GPR137B: variants seen among roughly 807,000 people sequenced by gnomAD.
The protein encoded by GPR137B is G protein-coupled receptor 137B.
A neutral mutation model predicts 42.5 loss-of-function variants in GPR137B; 42 were observed. The ratio of observed to expected loss-of-function variants is 0.99; its 90% confidence interval spans 0.77 to 1.28. GPR137B has a LOEUF of 1.28. Ranked by LOEUF, GPR137B falls within the 50% of genes most tolerant of loss-of-function variation. The pLI, the probability that GPR137B is intolerant of heterozygous loss-of-function variation, is 0.00. For synonymous variants in GPR137B, 218 were observed against 209.7 expected (o/e 1.04, Z -0.34); for missense variants, 487 against 493.9 (o/e 0.99, Z 0.13).
chr1:236,189,777 A>G (rs1284324537), intron 5 of GPR137B, among the ~76,000 whole-genome samples: 2 of 152,228 alleles, frequency 1.3e-5, no homozygotes, highest in Non-Finnish European at 2.9e-5. Context: ...GCTGAGAAGA[A>G]TGTATACTCT....
chr1:236,208,802 G>C lies in GPR137B; in HGVS notation c.*644G>C, dbSNP rs1263360323. ...ATCTCTTAAGTTTTGCCCAAAGACT[G>C]GTACTTCCTTTCAGTAGGGCGCTAA... On this transcript the variant is annotated 3_prime_UTR_variant, in exon 7 of 7. Transcript: ENST00000366592. The C allele has an allele frequency of 1.5e-5, 15 of 984,988 alleles. No individual in the cohort carries two copies. Among genetic ancestry groups the C allele is most frequent in the Non-Finnish European group, 1.7e-5 (14 of 829,664 alleles). The allele number at this position is 984,988 out of a possible 1,614,324, so 61.0% of individuals were successfully genotyped here.
At chr1:236,199,908 T>G (rs917647685) in intron 5 of GPR137B, among the ~76,000 whole-genome samples, 1 of 152,058 alleles carries the variant, frequency 6.6e-6, no homozygotes, top group African/African-American at 2.4e-5. Context: ...GGGTTTGGTT[T>G]GTTCTTGTTT....
intron 1 of GPR137B, 37 bp from the exon 2 acceptor site, chr1:236,168,669 T>G: frequency 6.4e-7 from 1 of 1,564,098 alleles, no homozygotes; most frequent in African/African-American, 1.3e-5. Flanking sequence ...TGTCAACATA[T>G]TGGACCCCAA....
In GPR137B at chr1:236,208,126, A is replaced by G. The variant is rs778628846; in HGVS notation, c.1168A>G (p.Thr390Ala). The G allele has an allele frequency of 1.9e-6, 3 of 1,613,674 alleles. No homozygotes were observed. Among genetic ancestry groups the G allele is most frequent in the South Asian group, 1.1e-5 (1 of 91,080 alleles). Residue 390 changes from threonine to alanine, a missense_variant, in exon 7 of 7, where the codon ACT (threonine) becomes GCT (alanine). Coordinates refer to ENST00000366592, the MANE Select transcript of GPR137B (RefSeq NM_003272.4). ...LAQAGTLQDS[T>A]LDPDKPSLG ...ACAAGCAGGAACTTTGCAAGACTCA[A>G]CTTTGGATCCTGACAAACCAAGCCT...
chr1:236,154,140 T>A (rs1487940914), intron 1 of GPR137B, among the ~76,000 whole-genome samples: 1 of 152,210 alleles, frequency 6.6e-6, no homozygotes, highest in Non-Finnish European at 1.5e-5. Context: ...CTGGCTAGTC[T>A]TGGGTTTTGT....
chr1:236,161,236 G>C (rs1032477737), intron 1 of GPR137B, among the ~76,000 whole-genome samples: 7 of 152,062 alleles, frequency 4.6e-5, no homozygotes, highest in Non-Finnish European at 7.4e-5. Context: ...CATTTCAGCT[G>C]TGCCAATGCT....
chr1:236,207,225 C>A (rs567697081), intron 6 of GPR137B: 1 of 985,046 alleles, frequency 1.0e-6, no homozygotes, highest in Admixed American at 6.1e-5. Flanking sequence ...AAAAGATTGT[C>A]GCTGAGAAAA....
chr1:236,148,183 G>T (rs1333281453), intron 1 of GPR137B, among the ~76,000 whole-genome samples: 1 of 152,244 alleles, frequency 6.6e-6, no homozygotes, highest in Non-Finnish European at 1.5e-5. Context: ...GCAGGCAGGG[G>T]TCTCTGCTCA....
Position 236,178,655 on chromosome 1 carries a change from A to C in GPR137B, c.687+19A>C. The C allele has an allele frequency of 7.0e-7, 1 of 1,423,886 alleles. No individual in the cohort carries two copies. Among genetic ancestry groups the C allele is most frequent in the Non-Finnish European group, 9.9e-7 (1 of 1,008,210 alleles). The allele number at this position is 1,423,886 out of a possible 1,614,324, so 88.2% of individuals were successfully genotyped here. On this transcript the variant is annotated intron_variant, in intron 3 of 6. Coordinates refer to ENST00000366592, the MANE Select transcript of GPR137B (RefSeq NM_003272.4). Reference sequence around the variant, plus strand: ...GTCCAAGGTAGGTGGAAATGTGGTCAAGATCCCTCCCATGAAACGTGTTCT... The same window carrying C: ...GTCCAAGGTAGGTGGAAATGTGGTCCAGATCCCTCCCATGAAACGTGTTCT...
At chr1:236,205,366 T>A in intron 6 of GPR137B, 116 bp downstream of exon 6, 5 of 788,598 alleles carry the variant, frequency 6.3e-6, no homozygotes, top group Non-Finnish European at 1.0e-5. Context: ...TTAGGTGGTA[T>A]AAGACTGGAT....
chr1:236,164,243 C>T (rs1022176234), intron 1 of GPR137B, among the ~76,000 whole-genome samples: 2 of 152,204 alleles, frequency 1.3e-5, no homozygotes, highest in African/African-American at 4.8e-5. Flanking sequence ...GTTGACCTGA[C>T]TTGAACACCA....
At chr1:236,189,308 G>T (rs558480959) in intron 5 of GPR137B, among the ~76,000 whole-genome samples, 1 of 151,832 alleles carries the variant, frequency 6.6e-6, no homozygotes, top group African/African-American at 2.4e-5. Flanking sequence ...AGGGTTTTTC[G>T]TGTCTCTATC....
intron 5 of GPR137B, among the ~76,000 whole-genome samples, chr1:236,195,686 T>A (rs1663312964): frequency 6.6e-6 from 1 of 152,202 alleles, no homozygotes; most frequent in African/African-American, 2.4e-5. Context: ...GCCAAACTGT[T>A]CTCCATAGTG....
In GPR137B at chr1:236,150,015, C is replaced by CTGTGTGTGTACCTG. The variant is rs1224809339; in HGVS notation, c.414+6989_414+7002dup. Among the ~76,000 whole-genome samples the CTGTGTGTGTACCTG allele has an allele frequency of 6.8e-6, 1 of 147,898 alleles. No homozygotes were observed. Among genetic ancestry groups the CTGTGTGTGTACCTG allele is most frequent in the Admixed American group, 6.7e-5 (1 of 14,900 alleles). On this transcript the variant is annotated intron_variant, in intron 1 of 6. Transcript: ENST00000366592. This position sits in a 1 kb window ranked among gnomAD's most constrained non-coding sequence, Gnocchi z 6.2. ...TGTGTATGTGTGCCTGTGTGTGTGCCTGTGTGTGTACCTGTGTGTGTGTGT... is the reference window on the plus strand; with the variant it reads ...TGTGTATGTGTGCCTGTGTGTGTGCCTGTGTGTGTACCTGTGTGTGTGTACCTGTGTGTGTGTGT...
chr1:236,150,190 T>A lies in GPR137B; in HGVS notation c.414+7154T>A, dbSNP rs1284081706. Among the ~76,000 whole-genome samples the A allele has an allele frequency of 6.6e-6, 1 of 150,460 alleles. No individual in the cohort carries two copies. The highest frequency in any genetic ancestry group is 1.5e-5 in the Non-Finnish European group (1 of 67,536). Reference sequence around the variant, plus strand: ...GTGTGCCCGTTTGTGTTTGTGTGTGTCTGTGTGCCTGTGTGTGTGTCTGTG... The same window carrying A: ...GTGTGCCCGTTTGTGTTTGTGTGTGACTGTGTGCCTGTGTGTGTGTCTGTG... On this transcript the variant is annotated intron_variant, in intron 1 of 6. Coordinates refer to ENST00000366592, the MANE Select transcript of GPR137B (RefSeq NM_003272.4). This position sits in a 1 kb window ranked among gnomAD's most constrained non-coding sequence, Gnocchi z 6.2.
chr1:236,142,730 C>A lies in GPR137B; in HGVS notation c.108C>A (p.Ala36=). The A allele has an allele frequency of 6.2e-7, 1 of 1,610,070 alleles. No individual in the cohort carries two copies. Among genetic ancestry groups the A allele is most frequent in the Non-Finnish European group, 8.5e-7 (1 of 1,179,478 alleles). Residue 36 remains alanine (A), a synonymous_variant, in exon 1 of 7, where the codon GCC becomes GCA. Coordinates refer to ENST00000366592, the MANE Select transcript of GPR137B (RefSeq NM_003272.4). The stretch of plus-strand genomic sequence containing the variant: ...CGCTGCCGCCCACGCTGACCCCGGC[C>A]GTGCCCCCCTACGTGAAGCTTGGCC... ...NDSLPPTLTP[A]VPPYVKLGLT... is the part of the protein sequence containing the mutation.
intron 1 of GPR137B, among the ~76,000 whole-genome samples, chr1:236,167,295 A>C (rs1016813195): frequency 2.6e-5 from 4 of 152,230 alleles, no homozygotes; most frequent in African/African-American, 4.8e-5. Context: ...CTCTCTTAGC[A>C]AATTTCGAGT....
chr1:236,173,902 A>G (rs753945941), intron 2 of GPR137B, among the ~76,000 whole-genome samples: 1 of 151,470 alleles, frequency 6.6e-6, no homozygotes, highest in Non-Finnish European at 1.5e-5. Flanking sequence ...ATGGTTTTGC[A>G]TTATAAAAGT....
intron 1 of GPR137B, among the ~76,000 whole-genome samples, chr1:236,146,532 C>A (rs965339888): frequency 1.3e-5 from 2 of 152,164 alleles, no homozygotes; most frequent in Non-Finnish European, 2.9e-5. Flanking sequence ...CCTTACTCAT[C>A]TCACCCTCCC....
Sources: allele counts gnomAD v4.1 joint callset (sites outside exome capture counted in the v4.1 genomes callset), GRCh38; gene constraint gnomAD v4.1.1; non-coding constraint Gnocchi (gnomAD v3.1); transcripts MANE v1.5; gene names NCBI Gene and HGNC (gene_info 2026-07-23, HGNC 2026-07-21).